Variants in SLC24A3 observed in about 807,000 individuals in gnomAD.
SLC24A3 encodes sodium/potassium/calcium exchanger 3.
In SLC24A3, 28 loss-of-function variants were observed where a neutral mutation model predicts 75.8. The observed-to-expected ratio is 0.37, with a 90% CI of 0.27 to 0.51. The LOEUF is 0.51. SLC24A3 is among the 20% of genes least tolerant of loss of function. The pLI is 0.94. For missense variants in SLC24A3, 663 were observed against 847.8 expected, an observed-to-expected ratio of 0.78 and a Z score of 2.71; for synonymous variants, 372 against 334.1, an observed-to-expected ratio of 1.11 and a Z score of -1.24.
At chr20:19,569,348 G>A (rs1048450546) in intron 3 of SLC24A3, among the ~76,000 whole-genome samples, 3 of 152,228 alleles carry the variant, frequency 2.0e-5, no homozygotes, top group Non-Finnish European at 2.9e-5. Context: ...GGGCAAGGAA[G>A]TGATAAAGGC....
At chr20:19,335,884 A>T (rs1229869695) in intron 2 of SLC24A3, among the ~76,000 whole-genome samples, 2 of 152,214 alleles carry the variant, frequency 1.3e-5, no homozygotes, top group Admixed American at 1.3e-4. Context: ...ATTTCATGCC[A>T]TCTTTCTCCC....
At chr20:19,577,755 A>G (rs954457490) in intron 3 of SLC24A3, among the ~76,000 whole-genome samples, 1 of 152,266 alleles carries the variant, frequency 6.6e-6, no homozygotes, top group African/African-American at 2.4e-5. Flanking sequence ...GCAATGTATT[A>G]TGAATGCCTT....
chr20:19,322,568 T>C (rs956527562), intron 2 of SLC24A3, among the ~76,000 whole-genome samples: 3 of 152,192 alleles, frequency 2.0e-5, no homozygotes, highest in Admixed American at 2.0e-4. Flanking sequence ...GTGTGGGTAT[T>C]TTTGACTTTC....
chr20:19,246,586 C>T lies in SLC24A3; in HGVS notation c.142+33602C>T, dbSNP rs77462872. 7.3e-3 allele frequency among the ~76,000 whole-genome samples: 1,108 copies of T among 151,964 alleles called. 24 individuals are homozygous for T. The highest frequency in any genetic ancestry group is 0.036 in the Admixed American group (553 of 15,260). ...TAACAACATTGACTGAACAAGAAAT[C>T]GAAAATGTGAAGAGATGTATAACAC... is the stretch of plus-strand genomic sequence containing the variant. On this transcript the variant is annotated intron_variant, in intron 1 of 16. Coordinates refer to ENST00000328041, the MANE Select transcript of SLC24A3 (RefSeq NM_020689.4).
chr20:19,632,592 G>C (rs2122687771), intron 6 of SLC24A3, among the ~76,000 whole-genome samples: 1 of 152,212 alleles, frequency 6.6e-6, no homozygotes, highest in South Asian at 2.1e-4. Flanking sequence ...ACTTACTTCT[G>C]CAAAGTCTCA....
chr20:19,509,798 A>G (rs1446097758), intron 2 of SLC24A3, among the ~76,000 whole-genome samples: 1 of 152,234 alleles, frequency 6.6e-6, no homozygotes, highest in African/African-American at 2.4e-5. Flanking sequence ...AATGGGAAGG[A>G]GGATCCTCAG....
intron 2 of SLC24A3, among the ~76,000 whole-genome samples, chr20:19,469,039 G>A (rs1012784360): frequency 7.2e-5 from 11 of 152,216 alleles, no homozygotes; most frequent in South Asian, 2.1e-4. Flanking sequence ...TCATGACGTC[G>A]TTTATGATAA....
intron 3 of SLC24A3, among the ~76,000 whole-genome samples, chr20:19,579,147 A>G (rs540483316): frequency 1.3e-5 from 2 of 152,324 alleles, no homozygotes; most frequent in South Asian, 4.1e-4. Flanking sequence ...CACCTTCCAC[A>G]TGGGGCATGG....
intron 2 of SLC24A3, among the ~76,000 whole-genome samples, chr20:19,404,648 C>G (rs958860294): frequency 6.6e-6 from 1 of 152,162 alleles, no homozygotes; most frequent in South Asian, 2.1e-4. Flanking sequence ...TGTGATACAG[C>G]ATGGTTGCTG....
At chr20:19,705,566 G>T (rs1305532621) in intron 15 of SLC24A3, among the ~76,000 whole-genome samples, 1 of 152,090 alleles carries the variant, frequency 6.6e-6, no homozygotes, top group African/African-American at 2.4e-5. Context: ...TTTCCAAAAC[G>T]ACACTCAAAA....
At chr20:19,309,945 A>G (rs1383587662) in intron 2 of SLC24A3, among the ~76,000 whole-genome samples, 2 of 152,128 alleles carry the variant, frequency 1.3e-5, no homozygotes, top group Non-Finnish European at 2.9e-5. Flanking sequence ...GCGGCAAAGC[A>G]TCACACTCTT....
intron 2 of SLC24A3, among the ~76,000 whole-genome samples, chr20:19,358,319 G>C (rs887235985): frequency 2.0e-5 from 3 of 152,096 alleles, no homozygotes; most frequent in African/African-American, 7.2e-5. Flanking sequence ...ATCCACCCGC[G>C]CCACATCTGG....
At chr20:19,411,979 T>C (rs1042316900) in intron 2 of SLC24A3, among the ~76,000 whole-genome samples, 7 of 152,230 alleles carry the variant, frequency 4.6e-5, no homozygotes, top group African/African-American at 1.7e-4. Flanking sequence ...CAGCCCTTAC[T>C]TGTTCTTCAC....
At chr20:19,370,389 G>A (rs759758198) in intron 2 of SLC24A3, among the ~76,000 whole-genome samples, 32 of 152,198 alleles carry the variant, frequency 2.1e-4, no homozygotes, top group African/African-American at 5.8e-4. Flanking sequence ...AATGACATTC[G>A]TGTTTTCAGG....
chr20:19,688,608 A>C (rs1021329845), intron 12 of SLC24A3, among the ~76,000 whole-genome samples: 3 of 152,222 alleles, frequency 2.0e-5, no homozygotes, highest in Non-Finnish European at 4.4e-5. Context: ...TATCAAGTCA[A>C]GTTCCTGTGG....
chr20:19,354,588 ATGTGTGTGTG>A (rs569362767), intron 2 of SLC24A3, among the ~76,000 whole-genome samples: 1 of 136,296 alleles, frequency 7.3e-6, no homozygotes, highest in Non-Finnish European at 1.5e-5. Context: ...AAATTTGTGT[ATGTGTGTGTG>A]TGTGTGTGTG....
At chr20:19,509,822 A>G (rs1333033047) in intron 2 of SLC24A3, among the ~76,000 whole-genome samples, 1 of 152,208 alleles carries the variant, frequency 6.6e-6, no homozygotes, top group Admixed American at 6.5e-5. Context: ...CCACTTTTCA[A>G]ATGGCCAAAA....
chr20:19,218,920 G>GA (rs34605039), intron 1 of SLC24A3, among the ~76,000 whole-genome samples: 14 of 152,134 alleles, frequency 9.2e-5, no homozygotes, highest in African/African-American at 2.9e-4. Flanking sequence ...GGGGTGGTTA[G>GA]AAAATGTTCC....
At chr20:19,710,880 A>G (rs1025207461) in intron 15 of SLC24A3, among the ~76,000 whole-genome samples, 1 of 152,246 alleles carries the variant, frequency 6.6e-6, no homozygotes, top group Non-Finnish European at 1.5e-5. Context: ...CTCTATGCAA[A>G]TTATGCCTCA....
Sources: allele counts gnomAD v4.1 joint callset (sites outside exome capture counted in the v4.1 genomes callset), GRCh38; gene constraint gnomAD v4.1.1; transcripts MANE v1.5; gene names NCBI Gene and HGNC (gene_info 2026-07-23, HGNC 2026-07-21).